SLC2A13: variants seen among roughly 807,000 people sequenced by gnomAD.
The protein encoded by SLC2A13 is proton myo-inositol cotransporter.
SLC2A13 carries 32 observed loss-of-function variants against 64.4 expected under a neutral mutation model. The ratio of observed to expected loss-of-function variants is 0.50; its 90% CI spans 0.37 to 0.67. The LOEUF (loss-of-function observed/expected upper bound fraction) is 0.67. SLC2A13 is among the 30% of genes least tolerant of loss of function. SLC2A13 has a pLI of 0.00. For missense variants in SLC2A13, 743 were observed against 829.2 expected, an observed-to-expected ratio of 0.90 and a Z score of 1.28; for synonymous variants, 338 against 327.1, an observed-to-expected ratio of 1.03 and a Z score of -0.36.
chr12:40,046,607 C>T (rs189423636), intron 2 of SLC2A13, among the ~76,000 whole-genome samples: 14 of 151,854 alleles, frequency 9.2e-5, no homozygotes, highest in African/African-American at 3.4e-4. Context: ...CAGTTATCGT[C>T]TTTCCTCTTT....
At chr12:40,068,232 T>A in intron 1 of SLC2A13, 1 of 319,494 alleles carries the variant, frequency 3.1e-6, no homozygotes, top group Non-Finnish European at 6.0e-6. Context: ...AGAAAAATTA[T>A]TTTGCTTGGT....
chr12:40,086,877 T>A (rs1046310364), intron 1 of SLC2A13, among the ~76,000 whole-genome samples: 1 of 152,200 alleles, frequency 6.6e-6, no homozygotes, highest in African/African-American at 2.4e-5. Flanking sequence ...TTTTCTCTAA[T>A]GCAGTTACCA....
At chr12:39,912,941 C>T (rs12813530) in intron 4 of SLC2A13, among the ~76,000 whole-genome samples, 29,640 of 152,032 alleles carry the variant, frequency 0.19, 3,736 homozygotes, top group Middle Eastern at 0.28. Flanking sequence ...AGATTTATGG[C>T]GTAGGAAGAA....
At position 39,946,424 on chromosome 12, in the gene SLC2A13, C is replaced by G. The variant is rs776951086; in HGVS notation, c.1034+4833G>C. Among the ~76,000 whole-genome samples the G allele has an allele frequency of 9.2e-5, 14 of 152,170 alleles. No individual in the cohort carries two copies. The South Asian group carries it at 1.0e-3, about 11-fold the overall frequency. On this transcript the variant is annotated intron_variant, in intron 4 of 9. Coordinates refer to ENST00000280871, the MANE Select transcript of SLC2A13 (RefSeq NM_052885.4). Reference sequence around the variant, plus strand: ...GCAGTGGGCAGAGCCCTAGAACTCCCAAGATTATATGTCCTTTGTCTTCCA... The same window carrying G: ...GCAGTGGGCAGAGCCCTAGAACTCCGAAGATTATATGTCCTTTGTCTTCCA...
intron 7 of SLC2A13, among the ~76,000 whole-genome samples, chr12:39,789,028 C>T (rs1457344763): frequency 1.3e-5 from 2 of 152,024 alleles, no homozygotes; most frequent in Non-Finnish European, 2.9e-5. Context: ...GTCTGTTATA[C>T]ATACAAAGAA....
intron 3 of SLC2A13, among the ~76,000 whole-genome samples, chr12:39,963,051 CT>C (rs1485514166): frequency 4.6e-5 from 7 of 152,142 alleles, no homozygotes; most frequent in African/African-American, 1.7e-4. Context: ...CTTTGGGAGG[CT>C]GAGGCAGGCG....
intron 4 of SLC2A13, 134 bp downstream of exon 4, chr12:39,951,123 C>T: frequency 4.4e-6 from 3 of 675,990 alleles, no homozygotes; most frequent in Non-Finnish European, 6.9e-6. Flanking sequence ...GTCAGTATCT[C>T]CCAAAAGGAG....
chr12:39,764,089 G>A (rs1468385883), intron 9 of SLC2A13, among the ~76,000 whole-genome samples: 1 of 152,020 alleles, frequency 6.6e-6, no homozygotes, highest in East Asian at 1.9e-4. Flanking sequence ...CATCTCATTG[G>A]CCCTAGACTC....
intron 1 of SLC2A13, among the ~76,000 whole-genome samples, chr12:40,067,145 T>G (rs1937762512): frequency 1.3e-5 from 2 of 152,114 alleles, no homozygotes; most frequent in Admixed American, 1.3e-4. Flanking sequence ...TAGGATTCAG[T>G]TAGCTAATGT....
chr12:40,009,416 AG>A (rs1947483300), intron 3 of SLC2A13, among the ~76,000 whole-genome samples: 1 of 152,140 alleles, frequency 6.6e-6, no homozygotes, highest in South Asian at 2.1e-4. Flanking sequence ...TAGAACATTA[AG>A]GTTTTTTTGT....
At chr12:39,933,408 T>C (rs1176314214) in intron 4 of SLC2A13, among the ~76,000 whole-genome samples, 4 of 152,202 alleles carry the variant, frequency 2.6e-5, no homozygotes. Context: ...CTTGGGCAGA[T>C]GGCAGCAGTG....
At chr12:39,981,138 C>T (rs1339362244) in intron 3 of SLC2A13, among the ~76,000 whole-genome samples, 1 of 151,154 alleles carries the variant, frequency 6.6e-6, no homozygotes, top group Non-Finnish European at 1.5e-5. Context: ...AGAACAAAGA[C>T]ACAACATATC....
chr12:40,011,125 C>T (rs540284799), intron 3 of SLC2A13, among the ~76,000 whole-genome samples: 10 of 152,152 alleles, frequency 6.6e-5, no homozygotes, highest in Non-Finnish European at 1.5e-4. Flanking sequence ...CTCCCACGCC[C>T]GGTACCAAGA....
intron 4 of SLC2A13, among the ~76,000 whole-genome samples, chr12:39,883,187 T>C (rs60555690): frequency 6.6e-6 from 1 of 152,162 alleles, no homozygotes; most frequent in Non-Finnish European, 1.5e-5. Context: ...TAAGAAAGCA[T>C]TCAAACAATC....
At chr12:40,055,195 A>G (rs1244981955) in intron 1 of SLC2A13, among the ~76,000 whole-genome samples, 1 of 152,230 alleles carries the variant, frequency 6.6e-6, no homozygotes, top group Non-Finnish European at 1.5e-5. Context: ...AGATGCTGGG[A>G]AACTTCAAAG....
chr12:39,968,169 A>G (rs1329255426), intron 3 of SLC2A13, among the ~76,000 whole-genome samples: 2 of 152,146 alleles, frequency 1.3e-5, no homozygotes, highest in Non-Finnish European at 2.9e-5. Flanking sequence ...GCCTCAGGAA[A>G]CTTACAATCA....
intron 6 of SLC2A13, among the ~76,000 whole-genome samples, chr12:39,861,450 T>C (rs927496513): frequency 1.6e-4 from 24 of 152,338 alleles, no homozygotes; most frequent in African/African-American, 5.5e-4. Flanking sequence ...GAAATATCTG[T>C]CTACTTTTAA....
At chr12:39,984,200 G>T (rs1299634471) in intron 3 of SLC2A13, among the ~76,000 whole-genome samples, 1 of 151,540 alleles carries the variant, frequency 6.6e-6, no homozygotes, top group African/African-American at 2.4e-5. Flanking sequence ...CAGGGGGGAG[G>T]GATAGCATTG....
chr12:39,870,436 G>A (rs758462093), intron 5 of SLC2A13, among the ~76,000 whole-genome samples: 7 of 152,032 alleles, frequency 4.6e-5, no homozygotes, highest in Non-Finnish European at 1.0e-4. Flanking sequence ...CCATTTCATT[G>A]CTGGATAGCT....
Sources: gnomAD v4.1 joint callset for allele counts (sites outside exome capture counted in the v4.1 genomes callset) on GRCh38, gnomAD v4.1.1 for gene constraint, MANE v1.5 for transcripts, NCBI Gene and HGNC (gene_info 2026-07-23, HGNC 2026-07-21) for gene names.